Variants in RCAN2 observed in about 807,000 individuals in gnomAD.
RCAN2 encodes calcipressin-2.
Under a neutral mutation model 23.6 loss-of-function variants are expected in RCAN2, and 9 were observed. The ratio of observed to expected loss-of-function variants is 0.38; its 90% CI spans 0.23 to 0.67. The LOEUF (loss-of-function observed/expected upper bound fraction) is 0.67. Ranked by LOEUF, RCAN2 falls within the 30% of genes least tolerant of loss-of-function variation. The pLI is 0.51. For synonymous variants in RCAN2, 109 were observed against 115.7 expected, an observed-to-expected ratio of 0.94 and a Z score of 0.37; for missense variants, 273 against 302.3, an observed-to-expected ratio of 0.90 and a Z score of 0.72.
intron 2 of RCAN2, among the ~76,000 whole-genome samples, chr6:46,251,091 G>A (rs182157229): frequency 3.2e-4 from 48 of 152,192 alleles, no homozygotes; most frequent in Admixed American, 9.8e-4. Flanking sequence ...GTTCTTTCTC[G>A]CATTTTCAGT....
intron 2 of RCAN2, among the ~76,000 whole-genome samples, chr6:46,424,647 A>T (rs1582190851): frequency 1.3e-5 from 2 of 152,090 alleles, no homozygotes; most frequent in African/African-American, 2.4e-5. Context: ...TCTGGCCTCA[A>T]GGAGCCAATG....
intron 2 of RCAN2, among the ~76,000 whole-genome samples, chr6:46,304,298 T>A (rs1209095240): frequency 1.3e-5 from 2 of 152,196 alleles, no homozygotes; most frequent in African/African-American, 4.8e-5. Context: ...ATTTTCATGA[T>A]TTCTTTATAT....
intron 1 of RCAN2, among the ~76,000 whole-genome samples, chr6:46,474,177 T>G: frequency 6.7e-6 from 1 of 148,452 alleles, no homozygotes; most frequent in Admixed American, 6.7e-5. Context: ...GGTGAATAGG[T>G]AGAGAGGAAT....
intron 1 of RCAN2, among the ~76,000 whole-genome samples, chr6:46,489,653 T>C (rs1180529084): frequency 6.6e-6 from 1 of 152,224 alleles, no homozygotes; most frequent in East Asian, 1.9e-4. Context: ...GAAAGAGTCA[T>C]GCCCTCCCAA....
rs1229175120 is a variant in RCAN2 at position 46,222,901 on chromosome 6, T to C, written c.*240A>G. On this transcript the variant is annotated 3_prime_UTR_variant, in exon 5 of 5. Coordinates refer to ENST00000371374, the MANE Select transcript of RCAN2 (RefSeq NM_001251974.2). The stretch of plus-strand genomic sequence containing the variant: ...GATATAGGCTGTGCTGATTGTTTAA[T>C]AAGAAAATACTACTTTTTTCCCTAG... 1 of 487,214 alleles carries C rather than the reference T, an allele frequency of 2.1e-6. No homozygotes were observed. Among genetic ancestry groups the C allele is most frequent in the Non-Finnish European group, 3.7e-6 (1 of 270,360 alleles). 30.2% of individuals were successfully genotyped at this position (487,214 alleles called of 1,614,324 possible). A position where few individuals can be genotyped will look rare whatever the true frequency, so the allele number is the denominator to read the frequency against.
chr6:46,317,124 G>A (rs573292721), intron 2 of RCAN2, among the ~76,000 whole-genome samples: 2 of 152,284 alleles, frequency 1.3e-5, no homozygotes, highest in East Asian at 1.9e-4. Flanking sequence ...GCAAGGAGGT[G>A]GAGGAGCTGT....
intron 4 of RCAN2, among the ~76,000 whole-genome samples, chr6:46,234,367 C>T (rs1428288671): frequency 1.3e-5 from 2 of 152,148 alleles, no homozygotes; most frequent in Non-Finnish European, 2.9e-5. Flanking sequence ...TTTTTGGCCT[C>T]TTTTTCCCTT....
chr6:46,317,201 C>G (rs1763467767), intron 2 of RCAN2, among the ~76,000 whole-genome samples: 1 of 152,156 alleles, frequency 6.6e-6, no homozygotes, highest in South Asian at 2.1e-4. Flanking sequence ...TTTTCCCAAA[C>G]TAGATGGCAT....
intron 2 of RCAN2, among the ~76,000 whole-genome samples, chr6:46,387,869 A>T (rs1404986051): frequency 6.6e-6 from 1 of 152,222 alleles, no homozygotes; most frequent in Non-Finnish European, 1.5e-5. Flanking sequence ...TCCATCAATG[A>T]TAGACTGGAT....
intron 4 of RCAN2, among the ~76,000 whole-genome samples, chr6:46,233,340 TA>T (rs1765963570): frequency 6.6e-6 from 1 of 152,216 alleles, no homozygotes; most frequent in Non-Finnish European, 1.5e-5. Context: ...AGTCATCAAA[TA>T]TGGTGGTGAT....
intron 2 of RCAN2, among the ~76,000 whole-genome samples, chr6:46,359,337 G>A (rs916936781): frequency 2.0e-5 from 3 of 152,312 alleles, no homozygotes; most frequent in Non-Finnish European, 4.4e-5. Flanking sequence ...GTTCCGGTGT[G>A]ATACAGAGAC....
chr6:46,379,895 T>C (rs1765574786), intron 2 of RCAN2, among the ~76,000 whole-genome samples: 1 of 152,206 alleles, frequency 6.6e-6, no homozygotes. Flanking sequence ...GGCTCAATGC[T>C]TTCTCTTGCA....
At chr6:46,271,898 G>GT (rs1294500633) in intron 2 of RCAN2, among the ~76,000 whole-genome samples, 2 of 152,194 alleles carry the variant, frequency 1.3e-5, no homozygotes, top group Non-Finnish European at 2.9e-5. Context: ...AAACTAGCCA[G>GT]TGTCATGTGC....
chr6:46,267,048 GT>G (rs1320889304), intron 2 of RCAN2, among the ~76,000 whole-genome samples: 3 of 152,154 alleles, frequency 2.0e-5, no homozygotes, highest in African/African-American at 7.2e-5. Flanking sequence ...TCTAGGATAA[GT>G]TTTTTCAAAA....
intron 2 of RCAN2, among the ~76,000 whole-genome samples, chr6:46,419,132 A>G (rs1346671132): frequency 6.6e-6 from 1 of 152,174 alleles, no homozygotes; most frequent in African/African-American, 2.4e-5. Context: ...GAGCTACAGT[A>G]CATCTCTTCT....
At chr6:46,431,983 A>C (rs1393861100) in intron 2 of RCAN2, among the ~76,000 whole-genome samples, 2 of 152,208 alleles carry the variant, frequency 1.3e-5, no homozygotes, top group Admixed American at 1.3e-4. Context: ...TTGAAGATCA[A>C]ATATGGAGAC....
At chr6:46,277,267 A>G (rs1310346431) in intron 2 of RCAN2, among the ~76,000 whole-genome samples, 3 of 152,190 alleles carry the variant, frequency 2.0e-5, no homozygotes, top group African/African-American at 7.2e-5. Context: ...GATCTTGTTA[A>G]TTTTCCTATT....
At chr6:46,467,153 G>A (rs925874949) in intron 1 of RCAN2, among the ~76,000 whole-genome samples, 7 of 152,152 alleles carry the variant, frequency 4.6e-5, no homozygotes, top group Admixed American at 2.6e-4. Flanking sequence ...AATGTTGAGC[G>A]CAGGAGCTGT....
chr6:46,271,156 A>G (rs1469748409), intron 2 of RCAN2, among the ~76,000 whole-genome samples: 1 of 152,122 alleles, frequency 6.6e-6, no homozygotes, highest in Non-Finnish European at 1.5e-5. Flanking sequence ...CTATCTCTCT[A>G]TCTGTCTGTC....
Sources: allele counts gnomAD v4.1 joint callset (sites outside exome capture counted in the v4.1 genomes callset), GRCh38; gene constraint gnomAD v4.1.1; transcripts MANE v1.5; gene names NCBI Gene and HGNC (gene_info 2026-07-23, HGNC 2026-07-21).